The following POU6F2 variants were observed in gnomAD, a reference collection of about 807,000 sequenced individuals.
POU6F2 encodes POU domain, class 6, transcription factor 2.
In POU6F2, 31 loss-of-function variants were observed where a neutral mutation model predicts 71.3. The observed-to-expected ratio is 0.43, with a 90% confidence interval of 0.33 to 0.59. The LOEUF is 0.59. POU6F2 is among the 20% of genes least tolerant of loss of function. The probability of loss-of-function intolerance (pLI) is 0.04; values close to 1 mark genes in which losing one functional copy is unlikely to be tolerated. For synonymous variants in POU6F2, 347 were observed against 355.7 expected (o/e 0.98, Z 0.27); for missense variants, 783 against 856.8 (o/e 0.91, Z 1.07).
intron 5 of POU6F2, among the ~76,000 whole-genome samples, chr7:39,345,381 G>A (rs532101047): frequency 3.3e-4 from 50 of 152,134 alleles, no homozygotes; most frequent in African/African-American, 1.1e-3. Context: ...TGTAAATTTC[G>A]GCCAGGTCTT....
intron 1 of POU6F2, among the ~76,000 whole-genome samples, chr7:38,998,272 A>G (rs2128698549): frequency 6.6e-6 from 1 of 152,268 alleles, no homozygotes; most frequent in East Asian, 1.9e-4. Flanking sequence ...GCAAGTTCCC[A>G]AGATTGGGGT....
chr7:39,133,387 A>C (rs1465548863), intron 2 of POU6F2, among the ~76,000 whole-genome samples: 1 of 152,222 alleles, frequency 6.6e-6, no homozygotes, highest in Non-Finnish European at 1.5e-5. Context: ...GTGCTGTGTA[A>C]AAGAGAGCAG....
At chr7:39,083,739 G>A (rs1301015031) in intron 1 of POU6F2, 1 of 152,076 alleles carries the variant, frequency 6.6e-6, no homozygotes, top group East Asian at 1.9e-4. Flanking sequence ...TGATTACATT[G>A]ATTATATTTC....
chr7:39,305,079 A>G (rs182698317), intron 4 of POU6F2, among the ~76,000 whole-genome samples: 4 of 152,370 alleles, frequency 2.6e-5, no homozygotes, highest in Non-Finnish European at 4.4e-5. Flanking sequence ...ACAAGTTAAC[A>G]TGTGTGATGC....
chr7:39,436,621 T>C (rs1270047240), intron 7 of POU6F2, among the ~76,000 whole-genome samples: 2 of 152,132 alleles, frequency 1.3e-5, no homozygotes, highest in African/African-American at 4.8e-5. Flanking sequence ...TATTTTCCTC[T>C]CTCGCCTGAT....
rs200059714 is a variant in POU6F2 at position 39,443,699 on chromosome 7, CCT to C, written c.1321-7833_1321-7832del. Among the ~76,000 whole-genome samples, 1,510 of 152,236 alleles carry C rather than the reference CCT, an allele frequency of 9.9e-3. 21 individuals carry two copies. The highest frequency in any genetic ancestry group is 0.034 in the African/African-American group (1,433 of 41,540). ...CTGAGGCTTGCCAATCATAAAAACC[CCT>C]GAGTCAAAAAGTTAAAAGCTCAAAA... On this transcript the variant is annotated intron_variant, in intron 7 of 9. Transcript: ENST00000518318.
At chr7:39,277,773 C>A (rs12701711) in intron 4 of POU6F2, among the ~76,000 whole-genome samples, 2 of 151,834 alleles carry the variant, frequency 1.3e-5, no homozygotes, top group Non-Finnish European at 2.9e-5. Context: ...AGAAAAAGGT[C>A]GGGGGCCAGG....
intron 2 of POU6F2, among the ~76,000 whole-genome samples, chr7:39,166,820 T>C (rs2128738004): frequency 6.6e-6 from 1 of 152,308 alleles, no homozygotes; most frequent in East Asian, 1.9e-4. Flanking sequence ...GCAGGTGCAC[T>C]TCTTGGGGGA....
chr7:39,464,365 T>C lies in POU6F2; in HGVS notation c.1842T>C (p.Ala614=). 1.2e-6 allele frequency: 2 copies of C among 1,614,040 alleles called. No individual in the cohort carries two copies. The highest frequency in any genetic ancestry group is 8.5e-7 in the Non-Finnish European group (1 of 1,179,904). The change falls in exon 10 of 10, where the codon GCT becomes GCC. Residue 614 remains alanine, a synonymous_variant. Transcript: ENST00000518318. This position sits in a 1 kb window ranked among gnomAD's most constrained non-coding sequence, Gnocchi z 4.1. The part of the protein sequence containing the change: ...KPVLERWMAE[A]EARHRAGMQN... ...TGCTTGAGCGGTGGATGGCTGAGGC[T>C]GAGGCCCGCCATCGAGCAGGTATGC... is the stretch of plus-strand genomic sequence containing the variant.
intron 5 of POU6F2, among the ~76,000 whole-genome samples, chr7:39,358,089 G>A (rs542242798): frequency 2.6e-5 from 4 of 152,288 alleles, no homozygotes; most frequent in Admixed American, 6.5e-5. Flanking sequence ...AAAAGAAAAA[G>A]CATGACATTT....
At chr7:39,116,448 A>ATGT (rs2128726673) in intron 2 of POU6F2, among the ~76,000 whole-genome samples, 1 of 152,340 alleles carries the variant, frequency 6.6e-6, no homozygotes, top group South Asian at 2.1e-4. Flanking sequence ...TGTTTATTGA[A>ATGT]TGTTTACAAG....
At chr7:39,001,620 T>A (rs1361459719) in intron 1 of POU6F2, among the ~76,000 whole-genome samples, 2 of 152,182 alleles carry the variant, frequency 1.3e-5, no homozygotes, top group Non-Finnish European at 2.9e-5. Flanking sequence ...GGTCAACCTG[T>A]TGACCACGGC....
chr7:39,319,051 G>C (rs752798369), intron 4 of POU6F2, among the ~76,000 whole-genome samples: 1 of 152,258 alleles, frequency 6.6e-6, no homozygotes, highest in Non-Finnish European at 1.5e-5. Context: ...AAAATCACTT[G>C]AGCTTGGGAT....
chr7:39,218,085 C>A (rs539959694), intron 4 of POU6F2, among the ~76,000 whole-genome samples: 17 of 152,128 alleles, frequency 1.1e-4, no homozygotes, highest in African/African-American at 1.4e-4. Flanking sequence ...TCTGATGGAA[C>A]CTAGCAATGA....
intron 2 of POU6F2, among the ~76,000 whole-genome samples, chr7:39,126,983 A>C (rs958641038): frequency 1.3e-5 from 2 of 152,242 alleles, no homozygotes; most frequent in African/African-American, 4.8e-5. Context: ...TAAACTTTCT[A>C]GTAGCCACAT....
intron 6 of POU6F2, among the ~76,000 whole-genome samples, chr7:39,431,057 A>G (rs990782651): frequency 7.2e-5 from 11 of 152,174 alleles, no homozygotes; most frequent in African/African-American, 2.4e-4. Context: ...AGTACTTGCT[A>G]TGATCTATTG....
At chr7:39,045,161 G>GT (rs1429009431) in intron 1 of POU6F2, among the ~76,000 whole-genome samples, 4 of 151,930 alleles carry the variant, frequency 2.6e-5, no homozygotes. Flanking sequence ...TCCTCTATCA[G>GT]TTTCCATTCC....
chr7:39,294,261 T>A (rs541052474), intron 4 of POU6F2, among the ~76,000 whole-genome samples: 2 of 151,132 alleles, frequency 1.3e-5, no homozygotes, highest in Non-Finnish European at 3.0e-5. Context: ...AGAAGTAGGT[T>A]TTTCCAGCCA....
At chr7:39,364,039 C>G (rs1786447452) in intron 5 of POU6F2, among the ~76,000 whole-genome samples, 1 of 152,092 alleles carries the variant, frequency 6.6e-6, no homozygotes, top group Non-Finnish European at 1.5e-5. Context: ...CTATTTATAT[C>G]TTAGCGGTAG....
Sources: allele counts gnomAD v4.1 joint callset (sites outside exome capture counted in the v4.1 genomes callset), GRCh38; gene constraint gnomAD v4.1.1; non-coding constraint Gnocchi (gnomAD v3.1); transcripts MANE v1.5; gene names NCBI Gene and HGNC (gene_info 2026-07-23, HGNC 2026-07-21).